ABL2: variants seen among roughly 807,000 people sequenced by gnomAD.
ABL2 encodes the protein tyrosine-protein kinase ABL2.
Under a neutral mutation model 107.7 loss-of-function variants are expected in ABL2, and 49 were observed. The ratio of observed to expected loss-of-function variants is 0.45; its 90% CI spans 0.36 to 0.58. The LOEUF is 0.58. ABL2 is among the 20% of genes least tolerant of loss of function. The pLI, the probability that ABL2 is intolerant of heterozygous loss-of-function variation, is 0.00. For synonymous variants in ABL2, 549 were observed against 548.6 expected (o/e 1.00, Z -0.01); for missense variants, 1,245 against 1,457.0 (o/e 0.85, Z 2.37).
At chr1:179,133,492 A>G in intron 1 of ABL2, 118 bp from the exon 2 acceptor site, 1 of 1,526,578 alleles carries the variant, frequency 6.6e-7, no homozygotes. Context: ...GTCTCTACCT[A>G]CTTCTCCAGC....
chr1:179,156,427 T>C (rs1214227386), intron 1 of ABL2, among the ~76,000 whole-genome samples: 2 of 152,216 alleles, frequency 1.3e-5, no homozygotes, highest in African/African-American at 4.8e-5. Flanking sequence ...CACACTAATA[T>C]AGTTTTGTTG....
intron 6 of ABL2, among the ~76,000 whole-genome samples, chr1:179,119,549 CA>C (rs1326930682): frequency 1.4e-5 from 2 of 141,208 alleles, no homozygotes; most frequent in African/African-American, 5.3e-5. Context: ...CACACCCCCC[CA>C]AAAAAAAGAA....
At chr1:179,124,013 G>C (rs1035469944) in intron 4 of ABL2, among the ~76,000 whole-genome samples, 1 of 151,982 alleles carries the variant, frequency 6.6e-6, no homozygotes, top group African/African-American at 2.4e-5. Flanking sequence ...AGGCCAAGGC[G>C]GGTGGATCAC....
At chr1:179,176,485 C>T (rs1197246299) in intron 1 of ABL2, among the ~76,000 whole-genome samples, 1 of 151,806 alleles carries the variant, frequency 6.6e-6, no homozygotes, top group Non-Finnish European at 1.5e-5. Flanking sequence ...TATGTACCCA[C>T]AAAAAATGTT....
chr1:179,143,720 G>A (rs879418237), intron 1 of ABL2, among the ~76,000 whole-genome samples: 33 of 152,130 alleles, frequency 2.2e-4, no homozygotes, highest in African/African-American at 1.9e-4. Context: ...TTTTTGAGAC[G>A]GAGTCTCGCT....
chr1:179,117,111 A>T, intron 8 of ABL2: 1 of 553,974 alleles, frequency 1.8e-6, no homozygotes, highest in Non-Finnish European at 3.2e-6. Context: ...CTGTAATTAC[A>T]AACGTGAGCC....
At chr1:179,188,606 T>C (rs1430467861) in intron 1 of ABL2, among the ~76,000 whole-genome samples, 2 of 152,168 alleles carry the variant, frequency 1.3e-5, no homozygotes, top group Non-Finnish European at 2.9e-5. Context: ...CCCAGCACTA[T>C]CTTCCTTCCT....
intron 1 of ABL2, among the ~76,000 whole-genome samples, chr1:179,198,071 G>A (rs923616151): frequency 6.6e-6 from 1 of 151,210 alleles, no homozygotes; most frequent in Non-Finnish European, 1.5e-5. Context: ...TACTTGACAG[G>A]CTGAAGTGCG....
intron 1 of ABL2, among the ~76,000 whole-genome samples, chr1:179,214,938 T>C (rs977207835): frequency 1.1e-4 from 17 of 152,048 alleles, no homozygotes; most frequent in Admixed American, 1.1e-3. Context: ...GGCAGACAGA[T>C]TGCCTGAGGT....
chr1:179,189,061 G>T (rs1367439135), intron 1 of ABL2, among the ~76,000 whole-genome samples: 3 of 152,070 alleles, frequency 2.0e-5, no homozygotes, highest in Admixed American at 6.5e-5. Flanking sequence ...GTTTAATTCT[G>T]CATTCTCATG....
At chr1:179,131,242 C>A in intron 3 of ABL2, 69 bp downstream of exon 3, 3 of 1,533,512 alleles carry the variant, frequency 2.0e-6, no homozygotes, top group South Asian at 1.2e-5. Flanking sequence ...CTGTGCCTGG[C>A]CAGGCCCCTT....
chr1:179,155,090 C>A (rs1658600819), intron 1 of ABL2, among the ~76,000 whole-genome samples: 1 of 152,214 alleles, frequency 6.6e-6, no homozygotes, highest in South Asian at 2.1e-4. Flanking sequence ...AACACTAGGT[C>A]TTTTCTAATT....
At chr1:179,170,470 G>T (rs939996036) in intron 1 of ABL2, among the ~76,000 whole-genome samples, 1 of 151,944 alleles carries the variant, frequency 6.6e-6, no homozygotes, top group African/African-American at 2.4e-5. Context: ...AGGCTGGAGT[G>T]CAGTAGCGCA....
rs1165764367 is a variant in ABL2 at position 179,118,767 on chromosome 1, A to G, written c.1046-3T>C. 6 of 1,613,242 alleles carry G rather than the reference A, an allele frequency of 3.7e-6. No individual in the cohort carries two copies. Among genetic ancestry groups the G allele is most frequent in the African/African-American group, 1.3e-5 (1 of 74,870 alleles). Reference sequence around the variant, plus strand: ...TGGTGGCTCCAAAGTACACACACCTAAAAGTTGAACAATAGTGCTTGTTTT... The same window carrying G: ...TGGTGGCTCCAAAGTACACACACCTGAAAGTTGAACAATAGTGCTTGTTTT... On this transcript the variant is annotated splice_polypyrimidine_tract_variant and splice_region_variant and intron_variant, in intron 6 of 11. Transcript: ENST00000502732.
chr1:179,208,325 C>A (rs1662091091), intron 1 of ABL2, among the ~76,000 whole-genome samples: 1 of 151,906 alleles, frequency 6.6e-6, no homozygotes, highest in Middle Eastern at 3.4e-3. Flanking sequence ...CTAATAGTTC[C>A]CAGTGTCTAT....
chr1:179,210,667 C>G (rs190138475), intron 1 of ABL2, among the ~76,000 whole-genome samples: 1 of 151,970 alleles, frequency 6.6e-6, no homozygotes, highest in East Asian at 1.9e-4. Context: ...CTGGCTAACA[C>G]AGTGAAACCT....
At chr1:179,130,563 T>C (rs1220798291) in intron 3 of ABL2, among the ~76,000 whole-genome samples, 4 of 152,194 alleles carry the variant, frequency 2.6e-5, no homozygotes, top group Non-Finnish European at 4.4e-5. Context: ...CATAAATGTC[T>C]ATTGTTTGTG....
chr1:179,108,889 T>C lies in ABL2; in HGVS notation c.2378A>G (p.Glu793Gly). Residue 793 changes from glutamate to glycine, a missense_variant, in exon 12 of 12, where the codon GAG becomes GGG. Transcript: ENST00000502732. ...AAGGGTCATTGCCATCCTATCCTGC[T>C]CTGGAAGCCCTGAGGACATGGAAGA... ...STSSMSSGLP[E>G]QDRMAMTLPR... The C allele has an allele frequency of 6.2e-7, 1 of 1,614,194 alleles. No homozygotes were observed. The highest frequency in any genetic ancestry group is 8.5e-7 in the Non-Finnish European group (1 of 1,180,042).
intron 1 of ABL2, among the ~76,000 whole-genome samples, chr1:179,189,225 T>C (rs897661731): frequency 6.6e-6 from 1 of 152,154 alleles, no homozygotes; most frequent in Non-Finnish European, 1.5e-5. Context: ...AACCTTCGTC[T>C]CCCAGGTTCA....
Sources: allele counts gnomAD v4.1 joint callset (sites outside exome capture counted in the v4.1 genomes callset), GRCh38; gene constraint gnomAD v4.1.1; transcripts MANE v1.5; gene names NCBI Gene and HGNC (gene_info 2026-07-23, HGNC 2026-07-21).